The following NUMBL variants were observed in gnomAD, a reference collection of about 807,000 sequenced individuals.
The protein encoded by NUMBL is NUMB like endocytic adaptor protein, also known as numb-like protein.
NUMBL carries 20 observed loss-of-function variants against 48.9 expected under a neutral mutation model. That is an observed-to-expected ratio of 0.41 (90% CI 0.29 to 0.59). The LOEUF (loss-of-function observed/expected upper bound fraction) is 0.59, where lower values mean the gene tolerates loss of function less well. Ranked by LOEUF, NUMBL falls within the 20% of genes least tolerant of loss-of-function variation. NUMBL has a pLI of 0.31. For synonymous variants in NUMBL, 340 were observed against 348.7 expected (o/e 0.98, Z 0.28); for missense variants, 660 against 846.2 (o/e 0.78, Z 2.73).
rs1461602994 is a variant in NUMBL, at chr19:40,677,421, C to T, written c.541G>A (p.Gly181Ser). The T allele has an allele frequency of 1.9e-6, 3 of 1,607,094 alleles. No homozygotes were observed. Among genetic ancestry groups the T allele is most frequent in the Non-Finnish European group, 2.5e-6 (3 of 1,179,236 alleles). Residue 181 changes from glycine (G) to serine (S), a missense_variant and splice_region_variant, in exon 7 of 10, where the codon GGC becomes AGC. Transcript: ENST00000252891. ...CCCACAGCGTGGCTCAGCCTCTCGC[C>T]CTATGGGGAGAGGATGGGCGGGGGG... ...CHCFLALKDS[G>S]ERLSHAVGCA...
intron 9 of NUMBL, among the ~76,000 whole-genome samples, 170 bp downstream of exon 9, chr19:40,669,728 T>C (rs997733478): frequency 2.0e-5 from 3 of 152,116 alleles, no homozygotes; most frequent in African/African-American, 7.2e-5. Context: ...GGTAATCCCA[T>C]GGCTCTAAGA....
intron 2 of NUMBL, chr19:40,685,078 G>C (rs1010275091): frequency 6.3e-6 from 1 of 158,578 alleles, no homozygotes; most frequent in Admixed American, 6.3e-5. Flanking sequence ...AGGTGCATGG[G>C]GTATGGGGGA....
chr19:40,667,796 G>A lies in NUMBL; in HGVS notation c.1502C>T (p.Pro501Leu), dbSNP rs937626376. ...GCCCACCACGGGCACCCGGGGCATC[G>A]GTGGGTAGCCCAAGCCCGGGTAGGC... ...VPAYPGLGYP[P>L]MPRVPVVGIT... The change falls in exon 10 of 10, where the codon CCG becomes CTG. Residue 501 changes from proline (P) to leucine (L), a missense_variant. Coordinates refer to ENST00000252891, the MANE Select transcript of NUMBL (RefSeq NM_004756.5). The surrounding 1 kb of genome is among the most constrained non-coding windows in gnomAD (Gnocchi z 6.1). 5.7e-6 allele frequency: 9 copies of A among 1,583,012 alleles called. No individual in the cohort carries two copies. The highest frequency in any genetic ancestry group is 1.8e-5 in the Admixed American group (1 of 55,250).
At chr19:40,684,290 C>T in intron 3 of NUMBL, 127 bp downstream of exon 3, 1 of 992,400 alleles carries the variant, frequency 1.0e-6, no homozygotes, top group South Asian at 1.6e-5. Flanking sequence ...GGACTGCCGG[C>T]CTCACGCTTT....
chr19:40,683,430 GCACACTGC>G (rs1310903568), intron 3 of NUMBL, among the ~76,000 whole-genome samples: 1 of 152,230 alleles, frequency 6.6e-6, no homozygotes, highest in Non-Finnish European at 1.5e-5. Context: ...AAGCTCAGTT[GCACACTGC>G]TGCAGTTTTA....
At chr19:40,668,909 T>A (rs1381371756) in intron 9 of NUMBL, among the ~76,000 whole-genome samples, 1 of 152,218 alleles carries the variant, frequency 6.6e-6, no homozygotes, top group Non-Finnish European at 1.5e-5. Context: ...GGGTTGGGCT[T>A]TCTAAGATTC....
Position 40,670,031 on chromosome 19 carries a change from G to C in NUMBL, c.1037-11C>G. ...GCTCCATCTCAGGCACTGGGAAGCA[G>C]GGCAGGACAGAGGTCAGCAAACAGG... On this transcript the variant is annotated splice_polypyrimidine_tract_variant and intron_variant, in intron 8 of 9. Coordinates refer to ENST00000252891, the MANE Select transcript of NUMBL (RefSeq NM_004756.5). 1 of 1,613,078 alleles carries C rather than the reference G, an allele frequency of 6.2e-7. No homozygotes were observed. Among genetic ancestry groups the C allele is most frequent in the East Asian group, 2.2e-5 (1 of 44,838 alleles).
At chr19:40,684,372 G>C (rs1346323639) in intron 3 of NUMBL, 45 bp downstream of exon 3, 2 of 1,526,516 alleles carry the variant, frequency 1.3e-6, no homozygotes, top group Non-Finnish European at 1.8e-6. Flanking sequence ...CAGCACAGCG[G>C]CCCCCGTCCC....
In NUMBL at chr19:40,667,981, C is replaced by T. The variant is rs62640392; in HGVS notation, c.1317G>A (p.Gln439=). The T allele has an allele frequency of 7.7e-5, 112 of 1,461,658 alleles. 2 individuals are homozygous for T. In the African/African-American group the frequency reaches 1.1e-3, roughly 14 times the overall value. The allele number at this position is 1,461,658 out of a possible 1,614,324, so 90.5% of individuals were successfully genotyped here. ...CTGCTTGCTGCTGTTGCTGCTGCTG[C>T]TGCTGCTGCTGTTGCTGTTGCTGCT... ...QQQQQQQQQQ[Q]QQQQQQQAAS... The change falls in exon 10 of 10, where the codon CAG becomes CAA. Residue 439 remains glutamine (Q), a synonymous_variant. Coordinates refer to ENST00000252891, the MANE Select transcript of NUMBL (RefSeq NM_004756.5). The surrounding 1 kb of genome is among the most constrained non-coding windows in gnomAD (Gnocchi z 6.1).
intron 9 of NUMBL, among the ~76,000 whole-genome samples, chr19:40,669,522 T>C (rs1289282922): frequency 6.6e-6 from 1 of 151,958 alleles, no homozygotes; most frequent in Non-Finnish European, 1.5e-5. Flanking sequence ...AGATGATCCA[T>C]GGCTCTAAGA....
chr19:40,680,576 G>A (rs2144660725), intron 6 of NUMBL, among the ~76,000 whole-genome samples: 1 of 152,124 alleles, frequency 6.6e-6, no homozygotes, highest in South Asian at 2.1e-4. Flanking sequence ...AGCCTCCCAA[G>A]TAGCTGGGAC....
chr19:40,689,918 G>A (rs2081955089), intron 1 of NUMBL: 1 of 152,006 alleles, frequency 6.6e-6, no homozygotes, highest in South Asian at 2.1e-4. Flanking sequence ...TCCGCCCAAG[G>A]ATTGGGGGGA....
intron 6 of NUMBL, among the ~76,000 whole-genome samples, chr19:40,680,573 C>T (rs1449528497): frequency 6.6e-6 from 1 of 152,060 alleles, no homozygotes; most frequent in African/African-American, 2.4e-5. Context: ...CTCAGCCTCC[C>T]AAGTAGCTGG....
At chr19:40,684,252 T>A in intron 3 of NUMBL, 165 bp downstream of exon 3, 2 of 698,156 alleles carry the variant, frequency 2.9e-6, no homozygotes, top group Non-Finnish European at 4.5e-6. Context: ...GTATTTCTAG[T>A]AGAGCCGGGG....
In NUMBL at chr19:40,667,946, G is replaced by T; in HGVS notation, c.1352C>A (p.Ala451Asp). Residue 451 changes from alanine to aspartate, a missense_variant, in exon 10 of 10, where the codon GCC becomes GAC. Transcript: ENST00000252891. This position sits in a 1 kb window ranked among gnomAD's most constrained non-coding sequence, Gnocchi z 6.1. ...QQQQQQAASV[A>D]PVPTMPPALQ... is the part of the protein sequence containing the mutation. ...GGCAGGAGGCATGGTGGGCACTGGGGCCACTGAGGCTGCTTGCTGCTGTTG... is the reference window on the plus strand; with the variant it reads ...GGCAGGAGGCATGGTGGGCACTGGGTCCACTGAGGCTGCTTGCTGCTGTTG... The T allele has an allele frequency of 6.4e-7, 1 of 1,567,246 alleles. No homozygotes were observed. Among genetic ancestry groups the T allele is most frequent in the Non-Finnish European group, 8.6e-7 (1 of 1,156,364 alleles).
chr19:40,690,185 G>C, intron 1 of NUMBL: 1 of 338,428 alleles, frequency 3.0e-6, no homozygotes. Flanking sequence ...GTTGTACCTA[G>C]AATCTCTGTA....
intron 1 of NUMBL, chr19:40,689,474 C>G (rs1283432378): frequency 6.5e-6 from 1 of 153,052 alleles, no homozygotes; most frequent in Non-Finnish European, 1.5e-5. Context: ...TGCACACACA[C>G]ACACACATAC....
intron 7 of NUMBL, among the ~76,000 whole-genome samples, chr19:40,674,959 T>G (rs1003809343): frequency 6.6e-6 from 1 of 151,706 alleles, no homozygotes; most frequent in African/African-American, 2.4e-5. Flanking sequence ...GCCAACATGG[T>G]GAAACACCAT....
Position 40,673,668 on chromosome 19 carries a change from T to TG in NUMBL, c.731-20dup. 1 of 1,461,336 alleles carries TG rather than the reference T, an allele frequency of 6.8e-7. No individual in the cohort carries two copies. The highest frequency in any genetic ancestry group is 9.1e-7 in the Non-Finnish European group (1 of 1,104,584). The allele number at this position is 1,461,336 out of a possible 1,614,324, so 90.5% of individuals were successfully genotyped here. A position where few individuals can be genotyped will look rare whatever the true frequency, so the allele number is the denominator to read the frequency against. Reference sequence around the variant, plus strand: ...GCCTCTGCTGGAGACATGGGGGAGATGGATGGTTAGATATCTCACCATGGC... The same window carrying TG: ...GCCTCTGCTGGAGACATGGGGGAGATGGGATGGTTAGATATCTCACCATGGC... On this transcript the variant is annotated intron_variant, in intron 7 of 9. Coordinates refer to ENST00000252891, the MANE Select transcript of NUMBL (RefSeq NM_004756.5). The surrounding 1 kb of genome is among the most constrained non-coding windows in gnomAD (Gnocchi z 5.9).
Sources: allele counts gnomAD v4.1 joint callset (sites outside exome capture counted in the v4.1 genomes callset), GRCh38; gene constraint gnomAD v4.1.1; non-coding constraint Gnocchi (gnomAD v3.1); transcripts MANE v1.5; gene names NCBI Gene and HGNC (gene_info 2026-07-23, HGNC 2026-07-21).